Variants in SIRT3 observed in about 807,000 individuals in gnomAD.
SIRT3 encodes sirtuin 3, also known as NAD-dependent protein deacetylase sirtuin-3, mitochondrial.
SIRT3 carries 26 observed loss-of-function variants against 33.5 expected under a neutral mutation model. The observed-to-expected ratio is 0.78, with a 90% CI of 0.57 to 1.08. The LOEUF is 1.08. SIRT3 is among the 50% of genes least tolerant of loss of function. The pLI, the probability that SIRT3 is intolerant of heterozygous loss-of-function variation, is 0.00. For missense variants in SIRT3, 585 were observed against 530.1 expected (o/e 1.10, Z -1.02); for synonymous variants, 237 against 222.1 (o/e 1.07, Z -0.60).
At chr11:216,959 T>C (rs1855742573) in intron 6 of SIRT3, among the ~76,000 whole-genome samples, 1 of 152,242 alleles carries the variant, frequency 6.6e-6, no homozygotes, top group South Asian at 2.1e-4. Flanking sequence ...CAATATGTAC[T>C]GATGCTCATG....
At chr11:234,767 T>C (rs902969986) in intron 1 of SIRT3, among the ~76,000 whole-genome samples, 1 of 151,698 alleles carries the variant, frequency 6.6e-6, no homozygotes, top group Admixed American at 6.6e-5. Context: ...TAGAATGCGC[T>C]CCACGTGTTT....
intron 4 of SIRT3, among the ~76,000 whole-genome samples, chr11:227,036 G>A (rs186999469): frequency 0.012 from 1,757 of 151,926 alleles, 35 homozygotes; most frequent in Middle Eastern, 0.014. Context: ...ACGGGCGTGA[G>A]CCACCATGAC....
intron 5 of SIRT3, chr11:222,969 CTA>C (rs1935370764): frequency 6.6e-6 from 1 of 152,260 alleles, no homozygotes; most frequent in Non-Finnish European, 1.5e-5. Context: ...TCCTAACAAA[CTA>C]TATAACTTCT....
chr11:217,911 T>C (rs1451717964), intron 6 of SIRT3, among the ~76,000 whole-genome samples: 2 of 152,180 alleles, frequency 1.3e-5, no homozygotes, highest in African/African-American at 4.8e-5. Flanking sequence ...GGGCGGGTCT[T>C]TCCCACACTC....
rs1855612563 is a variant in SIRT3 at position 216,050 on chromosome 11, A to C, written c.*648T>G. ...TGGGCCGTCTCCAATAAATCCAGGG[A>C]CAAATGCCTTCAGTCCTCAGACTGT... is the stretch of plus-strand genomic sequence containing the variant. On this transcript the variant is annotated 3_prime_UTR_variant, in exon 7 of 7. Transcript: ENST00000382743. 6.5e-6 allele frequency: 1 copy of C among 152,696 alleles called. No homozygotes were observed. The highest frequency in any genetic ancestry group is 1.5e-5 in the Non-Finnish European group (1 of 68,136). 9.5% of individuals were successfully genotyped at this position (152,696 alleles called of 1,614,324 possible). A position where few individuals can be genotyped will look rare whatever the true frequency, so the allele number is the denominator to read the frequency against.
chr11:230,433 C>A lies in SIRT3; in HGVS notation c.807+19G>T. 7.2e-7 allele frequency: 1 copy of A among 1,396,182 alleles called. No homozygotes were observed. The highest frequency in any genetic ancestry group is 9.4e-7 in the Non-Finnish European group (1 of 1,059,780). The allele number at this position is 1,396,182 out of a possible 1,614,324, so 86.5% of individuals were successfully genotyped here. ...CAACAGCAAACTGCAGAAGGACAAC[C>A]AACAGCAGGATAACTCACCCGAATG... On this transcript the variant is annotated intron_variant, in intron 4 of 6. Transcript: ENST00000382743.
At chr11:219,537 C>T (rs558930096) in intron 5 of SIRT3, among the ~76,000 whole-genome samples, 2 of 152,286 alleles carry the variant, frequency 1.3e-5, no homozygotes, top group African/African-American at 4.8e-5. Context: ...TGGTCTTCCC[C>T]ACCCAGCCTC....
chr11:229,086 T>A (rs184989677), intron 4 of SIRT3, among the ~76,000 whole-genome samples: 1 of 152,230 alleles, frequency 6.6e-6, no homozygotes, highest in African/African-American at 2.4e-5. Flanking sequence ...GTGGAAAAGA[T>A]GAAACCCTTG....
At chr11:226,285 C>T (rs1437097548) in intron 4 of SIRT3, among the ~76,000 whole-genome samples, 2 of 152,124 alleles carry the variant, frequency 1.3e-5, no homozygotes, top group African/African-American at 2.4e-5. Flanking sequence ...GGGAGGGGTA[C>T]AGTGAGGCGC....
At chr11:230,407 C>A in intron 4 of SIRT3, 45 bp downstream of exon 4, 1 of 1,216,190 alleles carries the variant, frequency 8.2e-7, no homozygotes, top group South Asian at 2.1e-5. Context: ...CCAGATCACC[C>A]CAACAGCAAA....
chr11:232,544 G>A (rs1858207249), intron 3 of SIRT3, among the ~76,000 whole-genome samples: 1 of 152,218 alleles, frequency 6.6e-6, no homozygotes, highest in South Asian at 2.1e-4. Flanking sequence ...GGATTTGGAA[G>A]AAGGTGGTGA....
intron 5 of SIRT3, among the ~76,000 whole-genome samples, chr11:221,778 A>G (rs1202154043): frequency 6.6e-6 from 1 of 152,216 alleles, no homozygotes; most frequent in Non-Finnish European, 1.5e-5. Flanking sequence ...GGCATTAACA[A>G]CGCAGCACAT....
chr11:229,501 A>G (rs1312461592), intron 4 of SIRT3, among the ~76,000 whole-genome samples: 1 of 151,920 alleles, frequency 6.6e-6, no homozygotes, highest in Non-Finnish European at 1.5e-5. Context: ...CACGCCTGTA[A>G]TCTTAGCACT....
intron 6 of SIRT3, 43 bp from the exon 7 acceptor site, chr11:216,761 A>T: frequency 6.2e-7 from 1 of 1,611,126 alleles, no homozygotes; most frequent in South Asian, 1.1e-5. Flanking sequence ...CTGTTTACAC[A>T]CCCAGGCAGG....
At chr11:219,132 G>T in intron 5 of SIRT3, 91 bp from the exon 6 acceptor site, 1 of 1,451,442 alleles carries the variant, frequency 6.9e-7, no homozygotes, top group Non-Finnish European at 9.2e-7. Context: ...CCTTGGAGGA[G>T]CAGCAGATTG....
chr11:222,157 C>A (rs1856525165), intron 5 of SIRT3, among the ~76,000 whole-genome samples: 1 of 152,168 alleles, frequency 6.6e-6, no homozygotes, highest in Non-Finnish European at 1.5e-5. Flanking sequence ...CCTCTGACTG[C>A]TCCTCCTGTG....
In SIRT3 at chr11:236,231, G is replaced by A; in HGVS notation, c.98C>T (p.Ala33Val). Residue 33 changes from alanine (A) to valine (V), a missense_variant, in exon 1 of 7, where the codon GCC becomes GTC. Physicochemically the swap from Ala to Val is moderately conservative, Grantham distance 64. Transcript: ENST00000382743. Reference protein sequence around the residue: ...EAGGGVGPFQACGCRLVLGGR... With the variant: ...EAGGGVGPFQVCGCRLVLGGR... ...GCCAAGCACCAGCCGACAGCCGCAG[G>A]CCTGAAACGGCCCCACGCCTCCCCC... is the stretch of plus-strand genomic sequence containing the variant. 6.4e-7 allele frequency: 1 copy of A among 1,555,882 alleles called. No homozygotes were observed. The highest frequency in any genetic ancestry group is 8.7e-7 in the Non-Finnish European group (1 of 1,154,280).
chr11:234,867 T>C (rs1357608383), intron 1 of SIRT3, among the ~76,000 whole-genome samples: 1 of 152,044 alleles, frequency 6.6e-6, no homozygotes, highest in Non-Finnish European at 1.5e-5. Context: ...GATGAACGAC[T>C]GACTCTTCGG....
chr11:220,347 AAAAG>A (rs1231705368), intron 5 of SIRT3, among the ~76,000 whole-genome samples: 7 of 150,286 alleles, frequency 4.7e-5, no homozygotes, highest in African/African-American at 9.7e-5. Context: ...AAAAAAAAAA[AAAAG>A]AAAGAAGTTT....
Sources: allele counts gnomAD v4.1 joint callset (sites outside exome capture counted in the v4.1 genomes callset), GRCh38; gene constraint gnomAD v4.1.1; transcripts MANE v1.5; gene names NCBI Gene and HGNC (gene_info 2026-07-23, HGNC 2026-07-21).